The following FCRL5 variants were observed in gnomAD, a reference collection of about 807,000 sequenced individuals.
The protein encoded by FCRL5 is Fc receptor like 5, also known as Fc receptor-like protein 5.
A neutral mutation model predicts 92.1 loss-of-function variants in FCRL5; 79 were observed. The observed-to-expected ratio is 0.86, with a 90% CI of 0.72 to 1.03. The LOEUF (loss-of-function observed/expected upper bound fraction) is 1.03. Ranked by LOEUF, FCRL5 falls within the 50% of genes least tolerant of loss-of-function variation. FCRL5 has a pLI of 0.00. For missense variants in FCRL5, 1,160 were observed against 1,181.1 expected (o/e 0.98, Z 0.26); for synonymous variants, 466 against 469.3 (o/e 0.99, Z 0.09).
In FCRL5 at chr1:157,552,313, G is replaced by T. The variant is rs765813780; in HGVS notation, c.31+19C>A. On this transcript the variant is annotated intron_variant, in intron 1 of 16. Coordinates refer to ENST00000361835, the MANE Select transcript of FCRL5 (RefSeq NM_031281.3). ...TGTCCCGATCCCACCCAGGGCCCAT[G>T]GTGAGCCCTTTTACTCACCCAGGAC... is the stretch of plus-strand genomic sequence containing the variant. 8.7e-6 allele frequency: 14 copies of T among 1,612,830 alleles called. No individual in the cohort carries two copies. The highest frequency in any genetic ancestry group is 3.3e-4 in the Middle Eastern group (2 of 6,080).
At chr1:157,532,444 T>G (rs1484922331) in intron 8 of FCRL5, 1 of 152,206 alleles carries the variant, frequency 6.6e-6, no homozygotes, top group Non-Finnish European at 1.5e-5. Context: ...TCCATTCTTT[T>G]TGAATTGTGA....
At chr1:157,520,607 C>T (rs1019788275) in intron 11 of FCRL5, 60 bp from the exon 12 acceptor site, 2 of 1,341,022 alleles carry the variant, frequency 1.5e-6, no homozygotes, top group African/African-American at 2.9e-5. Context: ...ACTGCCCGCT[C>T]CCGGAAGCTG....
Position 157,515,756 on chromosome 1 carries a change from AG to A in FCRL5, c.2852del (p.Pro951LeufsTer52). 1 of 1,585,984 alleles carries A rather than the reference AG, an allele frequency of 6.3e-7. No homozygotes were observed. Among genetic ancestry groups the A allele is most frequent in the Non-Finnish European group, 8.6e-7 (1 of 1,163,908 alleles). On this transcript the variant is annotated frameshift_variant, in exon 17 of 17. Coordinates refer to ENST00000361835, the MANE Select transcript of FCRL5 (RefSeq NM_031281.3). LOFTEE classifies it low-confidence loss of function (END_TRUNC). ...DPRHLRNKGSPIIYSEVKVAS... is the reference protein window; with the variant it reads ...DPRHLRNKGSXIIYSEVKVAS... ...CCACCTTAACTTCAGAGTAGATGAT[AG>A]GGGAACCCTAGGAGGCAAGAGCACA...
chr1:157,531,925 A>T (rs1303868630), intron 8 of FCRL5: 1 of 152,146 alleles, frequency 6.6e-6, no homozygotes. Context: ...ATGATGGTTA[A>T]TGGTCAGTTA....
intron 3 of FCRL5, 115 bp downstream of exon 3, chr1:157,546,828 G>C: frequency 7.8e-7 from 1 of 1,287,762 alleles, no homozygotes; most frequent in East Asian, 2.3e-5. Context: ...TCTTACCACA[G>C]TGTGAAATAA....
At chr1:157,547,864 G>A (rs1651631104) in intron 2 of FCRL5, among the ~76,000 whole-genome samples, 1 of 152,194 alleles carries the variant, frequency 6.6e-6, no homozygotes, top group Admixed American at 6.5e-5. Context: ...ATGGCAGTAA[G>A]AGCCAGAACT....
At chr1:157,543,360 C>T (rs553502740) in intron 5 of FCRL5, among the ~76,000 whole-genome samples, 1 of 152,328 alleles carries the variant, frequency 6.6e-6, no homozygotes, top group South Asian at 2.1e-4. Context: ...TTTCCTATCC[C>T]TGTTTATTTC....
intron 13 of FCRL5, 110 bp downstream of exon 13, chr1:157,519,633 C>A: frequency 8.0e-7 from 1 of 1,253,332 alleles, no homozygotes; most frequent in Non-Finnish European, 1.2e-6. Context: ...CACACCCCAG[C>A]TCAGCAGCAC....
intron 1 of FCRL5, among the ~76,000 whole-genome samples, chr1:157,550,014 C>A (rs888876659): frequency 6.6e-6 from 1 of 151,586 alleles, no homozygotes; most frequent in Non-Finnish European, 1.5e-5. Context: ...CTTGAAGGTA[C>A]CTGAAGGAGA....
At chr1:157,531,087 G>A (rs1419241931) in intron 8 of FCRL5, among the ~76,000 whole-genome samples, 4 of 152,094 alleles carry the variant, frequency 2.6e-5, no homozygotes, top group Admixed American at 1.3e-4. Flanking sequence ...TGTCTGACAA[G>A]GTGTTAACAT....
chr1:157,519,781 A>G lies in FCRL5; in HGVS notation c.2633-11T>C. ...AGGCAGGCTTTCTCCCTGTAAAGGAAAGCAGAGGAGCATTGGATTCAGGAA... is the reference window on the plus strand; with the variant it reads ...AGGCAGGCTTTCTCCCTGTAAAGGAGAGCAGAGGAGCATTGGATTCAGGAA... On this transcript the variant is annotated splice_polypyrimidine_tract_variant and intron_variant, in intron 12 of 16. Transcript: ENST00000361835. 1 of 1,613,942 alleles carries G rather than the reference A, an allele frequency of 6.2e-7. No homozygotes were observed. The highest frequency in any genetic ancestry group is 8.5e-7 in the Non-Finnish European group (1 of 1,179,956).
chr1:157,549,564 C>G lies in FCRL5; in HGVS notation c.48G>C (p.Gln16His). ...ILLVLAPVSG[Q>H]FARTPRPIIF... ...GCCAAAGACAGGAGAACTCACCAAACTGTCCACTGACAGGAGCTGCAAAAA... is the reference window on the plus strand; with the variant it reads ...GCCAAAGACAGGAGAACTCACCAAAGTGTCCACTGACAGGAGCTGCAAAAA... The change falls in exon 2 of 17, where the codon CAG becomes CAC. Residue 16 changes from glutamine to histidine, a missense_variant. Gln to His is a conservative substitution (Grantham distance 24). Coordinates refer to ENST00000361835, the MANE Select transcript of FCRL5 (RefSeq NM_031281.3). 6.2e-7 allele frequency: 1 copy of G among 1,612,330 alleles called. No homozygotes were observed. Among genetic ancestry groups the G allele is most frequent in the Non-Finnish European group, 8.5e-7 (1 of 1,179,270 alleles).
chr1:157,552,048 GACTTTAAGAAGT>G (rs1191155100), intron 1 of FCRL5, among the ~76,000 whole-genome samples: 1 of 152,084 alleles, frequency 6.6e-6, no homozygotes, highest in East Asian at 1.9e-4. Flanking sequence ...ACATTCTCTG[GACTTTAAGAAGT>G]ACTTTTTAAA....
At chr1:157,532,907 T>C (rs538995773) in intron 8 of FCRL5, 11 of 152,114 alleles carry the variant, frequency 7.2e-5, no homozygotes, top group Non-Finnish European at 1.6e-4. Flanking sequence ...AGGTGTTTTT[T>C]CCAGAAGGCT....
intron 8 of FCRL5, among the ~76,000 whole-genome samples, chr1:157,531,450 T>C (rs12143996): frequency 0.99 from 151,087 of 152,282 alleles, 74,967 homozygotes; most frequent in East Asian, 1. Flanking sequence ...CCATATTATC[T>C]ATCAATTTCA....
intron 1 of FCRL5, among the ~76,000 whole-genome samples, chr1:157,550,957 A>G (rs182957144): frequency 3.3e-5 from 5 of 152,340 alleles, no homozygotes; most frequent in Admixed American, 3.3e-4. Flanking sequence ...CCCTGTCCAC[A>G]TGAGGCTATT....
intron 7 of FCRL5, among the ~76,000 whole-genome samples, chr1:157,538,476 G>A (rs554290134): frequency 7.3e-4 from 111 of 152,340 alleles, no homozygotes; most frequent in Non-Finnish European, 1.1e-3. Flanking sequence ...CTATTTGACA[G>A]TTACCTGAGT....
In FCRL5 at chr1:157,528,033, GT is replaced by G. The variant is rs1190694823; in HGVS notation, c.1682-139del. Reference sequence around the variant, plus strand: ...AAGAGGAAGAAGTCAAATTGTTGCTGTTCACTGATGACATGATTGTATACCT... The same window carrying G: ...AAGAGGAAGAAGTCAAATTGTTGCTGTCACTGATGACATGATTGTATACCT... On this transcript the variant is annotated intron_variant, in intron 8 of 16. Transcript: ENST00000361835. 5.1e-6 allele frequency: 5 copies of G among 984,966 alleles called. No homozygotes were observed. The East Asian group carries it at 1.1e-4, about 21-fold the overall frequency. The allele number at this position is 984,966 out of a possible 1,614,324, so 61.0% of individuals were successfully genotyped here.
intron 7 of FCRL5, among the ~76,000 whole-genome samples, chr1:157,535,925 T>G (rs189797869): frequency 1.7e-3 from 254 of 146,554 alleles, no homozygotes; most frequent in Admixed American, 4.4e-3. Flanking sequence ...TGTGGCTAAA[T>G]TCACTGGATG....
Sources: gnomAD v4.1 joint callset for allele counts (sites outside exome capture counted in the v4.1 genomes callset) on GRCh38, gnomAD v4.1.1 for gene constraint, MANE v1.5 for transcripts, NCBI Gene and HGNC (gene_info 2026-07-23, HGNC 2026-07-21) for gene names.